The following FLRT3 variants were observed in gnomAD, a reference collection of about 807,000 sequenced individuals.
The protein encoded by FLRT3 is leucine-rich repeat transmembrane protein FLRT3.
A neutral mutation model predicts 42.6 loss-of-function variants in FLRT3; 17 were observed. The observed-to-expected ratio is 0.40, with a 90% CI of 0.27 to 0.60. The LOEUF (loss-of-function observed/expected upper bound fraction) is 0.60. Ranked by LOEUF, FLRT3 falls within the 20% of genes least tolerant of loss-of-function variation. The pLI, the probability that FLRT3 is intolerant of heterozygous loss-of-function variation, is 0.44. For missense variants in FLRT3, 635 were observed against 789.2 expected, an observed-to-expected ratio of 0.80 and a Z score of 2.34; for synonymous variants, 279 against 286.4, an observed-to-expected ratio of 0.97 and a Z score of 0.26.
intron 1 of FLRT3, among the ~76,000 whole-genome samples, chr20:14,333,139 G>A (rs1004423741): frequency 5.9e-5 from 9 of 152,078 alleles, no homozygotes; most frequent in African/African-American, 2.2e-4. Flanking sequence ...GGTTTGCTGA[G>A]AGGCAGAGAA....
At chr20:14,328,321 A>G (rs1371387333) in intron 2 of FLRT3, among the ~76,000 whole-genome samples, 2 of 152,062 alleles carry the variant, frequency 1.3e-5, no homozygotes, top group Non-Finnish European at 2.9e-5. Context: ...TCTTCTGTTC[A>G]CATTTTGTTA....
At chr20:14,332,373 G>A (rs964989466) in intron 1 of FLRT3, among the ~76,000 whole-genome samples, 10 of 152,022 alleles carry the variant, frequency 6.6e-5, no homozygotes, top group African/African-American at 2.2e-4. Flanking sequence ...AGAGCTTGCG[G>A]CAATCTACAT....
rs368474803 is a variant in FLRT3 at position 14,325,669 on chromosome 20, G to A, written c.1838C>T (p.Thr613Ile). ...PISKEEFVIH[T>I]IFPPNGMNLY... Reference sequence around the variant, plus strand: ...ATTCATTCCATTAGGAGGAAATATGGTGTGTATTACAAACTCCTCCTTCGA... The same window carrying A: ...ATTCATTCCATTAGGAGGAAATATGATGTGTATTACAAACTCCTCCTTCGA... The change falls in exon 3 of 3, where the codon ACC (threonine) becomes ATC (isoleucine). Residue 613 changes from threonine (T) to isoleucine (I), a missense_variant. Physicochemically the swap from Thr to Ile is moderately conservative, Grantham distance 89. Coordinates refer to ENST00000341420, the MANE Select transcript of FLRT3 (RefSeq NM_198391.3). 6.2e-6 allele frequency: 10 copies of A among 1,613,656 alleles called. No individual in the cohort carries two copies. Among genetic ancestry groups the A allele is most frequent in the Non-Finnish European group, 8.5e-6 (10 of 1,179,774 alleles).
At chr20:14,335,212 T>C (rs2082915219) in intron 1 of FLRT3, among the ~76,000 whole-genome samples, 1 of 152,200 alleles carries the variant, frequency 6.6e-6, no homozygotes, top group Non-Finnish European at 1.5e-5. Flanking sequence ...CTGATTATTG[T>C]ATTTTTCATC....
At position 14,330,546 on chromosome 20, in the gene FLRT3, AG is replaced by A. The variant is rs531123153; in HGVS notation, c.-246-1220del. Among the ~76,000 whole-genome samples, 13 of 152,220 alleles carry A rather than the reference AG, an allele frequency of 8.5e-5. 1 individual carries two copies. The South Asian group carries it at 2.7e-3, about 32-fold the overall frequency. On this transcript the variant is annotated intron_variant, in intron 1 of 2. Transcript: ENST00000341420. The stretch of plus-strand genomic sequence containing the variant: ...TGTTTCTGGTTCTCTCCAAAAATTC[AG>A]TTTCTTTTAGTTTGCTAACTACATA...
intron 1 of FLRT3, among the ~76,000 whole-genome samples, chr20:14,333,636 T>C (rs2082883013): frequency 5.3e-5 from 8 of 152,188 alleles, no homozygotes; most frequent in Admixed American, 5.2e-4. Flanking sequence ...TTTTTAACAG[T>C]GTGGGTACAA....
chr20:14,327,638 A>G (rs1320007849), intron 2 of FLRT3, 80 bp from the exon 3 acceptor site: 12 of 1,017,188 alleles, frequency 1.2e-5, no homozygotes, highest in South Asian at 1.9e-5. Context: ...AAATGTGGAA[A>G]CTAAAATATC....
In FLRT3 at chr20:14,323,108, GTCC is replaced by G. The variant is rs2082681051; in HGVS notation, c.*2446_*2448del. 6.6e-6 allele frequency: 1 copy of G among 152,142 alleles called. No homozygotes were observed. Among genetic ancestry groups the G allele is most frequent in the Non-Finnish European group, 1.5e-5 (1 of 68,020 alleles). The allele number at this position is 152,142 out of a possible 1,614,324, so 9.4% of individuals were successfully genotyped here. Reference sequence around the variant, plus strand: ...GTTCTTCAGCAGATACCAGCTGGGTGTCCTCCAATTCAGTTTAATCCCAACACT... The same window carrying G: ...GTTCTTCAGCAGATACCAGCTGGGTGTCCAATTCAGTTTAATCCCAACACT... On this transcript the variant is annotated 3_prime_UTR_variant, in exon 3 of 3. Transcript: ENST00000341420.
chr20:14,324,887 T>C lies in FLRT3; in HGVS notation c.*670A>G, dbSNP rs2082708869. On this transcript the variant is annotated 3_prime_UTR_variant, in exon 3 of 3. Coordinates refer to ENST00000341420, the MANE Select transcript of FLRT3 (RefSeq NM_198391.3). ...ATGGCTTTAACAGACTTCATGCTCCTTTTATGCCAGCTGATGTATTCAGTT... is the reference window on the plus strand; with the variant it reads ...ATGGCTTTAACAGACTTCATGCTCCCTTTATGCCAGCTGATGTATTCAGTT... The C allele has an allele frequency of 6.6e-6, 1 of 152,522 alleles. No individual in the cohort carries two copies. The highest frequency in any genetic ancestry group is 2.1e-4 in the South Asian group (1 of 4,834). The allele number at this position is 152,522 out of a possible 1,614,324, so 9.4% of individuals were successfully genotyped here. A position where few individuals can be genotyped will look rare whatever the true frequency, so the allele number is the denominator to read the frequency against.
intron 1 of FLRT3, among the ~76,000 whole-genome samples, chr20:14,333,478 G>T (rs759984076): frequency 5.3e-5 from 8 of 152,144 alleles, no homozygotes; most frequent in Non-Finnish European, 8.8e-5. Flanking sequence ...GTAAGAACGA[G>T]TAAGATATTA....
At chr20:14,329,631 C>T (rs1341911831) in intron 1 of FLRT3, among the ~76,000 whole-genome samples, 1 of 151,936 alleles carries the variant, frequency 6.6e-6, no homozygotes, top group Non-Finnish European at 1.5e-5. Context: ...AAATCATATG[C>T]ATAAAATGAT....
rs749185378 is a variant in FLRT3 at position 14,326,718 on chromosome 20, G to A, written c.789C>T (p.Pro263=). The change falls in exon 3 of 3, where the codon CCC becomes CCT. Residue 263 remains proline (P), a synonymous_variant. Transcript: ENST00000341420. The surrounding 1 kb of genome is among the most constrained non-coding windows in gnomAD (Gnocchi z 5.5). ...GCCTTAGATAAGAAAAAGCATTTGGGGGCACCCGATTGATGTGGTTATCTT... is the reference window on the plus strand; with the variant it reads ...GCCTTAGATAAGAAAAAGCATTTGGAGGCACCCGATTGATGTGGTTATCTT... ...YLQDNHINRV[P]PNAFSYLRQL... is the part of the protein sequence containing the mutation. 10 of 1,613,590 alleles carry A rather than the reference G, an allele frequency of 6.2e-6. No homozygotes were observed. The highest frequency in any genetic ancestry group is 1.7e-5 in the Admixed American group (1 of 59,926).
rs6135118 is a variant in FLRT3, at chr20:14,323,490, G to C, written c.*2067C>G. 58,835 of 151,910 alleles carry C rather than the reference G, an allele frequency of 0.39. 12,792 individuals are homozygous for C. The highest frequency in any genetic ancestry group is 0.49 in the Non-Finnish European group (33,274 of 67,918). 9.4% of individuals were successfully genotyped at this position (151,910 alleles called of 1,614,324 possible). On this transcript the variant is annotated 3_prime_UTR_variant, in exon 3 of 3. Coordinates refer to ENST00000341420, the MANE Select transcript of FLRT3 (RefSeq NM_198391.3). ...ACCTTTTGTTTTTTTATGGAGGCTT[G>C]ATTACATAGGCATGCTTGATTAAAC...
rs1210675946 is a variant in FLRT3 at position 14,324,327 on chromosome 20, G to A, written c.*1230C>T. ...ATCATGGCAACAGAAAAGTGATATG[G>A]TTTTTCAACAAGTAACAGCTCACAA... is the stretch of plus-strand genomic sequence containing the variant. On this transcript the variant is annotated 3_prime_UTR_variant, in exon 3 of 3. Transcript: ENST00000341420. 1 of 152,346 alleles carries A rather than the reference G, an allele frequency of 6.6e-6. No homozygotes were observed. The highest frequency in any genetic ancestry group is 1.5e-5 in the Non-Finnish European group (1 of 67,978). The allele number at this position is 152,346 out of a possible 1,614,324, so 9.4% of individuals were successfully genotyped here.
rs2082694566 is a variant in FLRT3, at chr20:14,323,901, A to G, written c.*1656T>C. ...GAAAGGCTTTGAAACCATTTCTTAA[A>G]TTTTCCATCTATACAGTGTATAAGT... On this transcript the variant is annotated 3_prime_UTR_variant, in exon 3 of 3. Coordinates refer to ENST00000341420, the MANE Select transcript of FLRT3 (RefSeq NM_198391.3). The G allele has an allele frequency of 6.6e-6, 1 of 152,180 alleles. No homozygotes were observed. Among genetic ancestry groups the G allele is most frequent in the Non-Finnish European group, 1.5e-5 (1 of 68,026 alleles). The allele number at this position is 152,180 out of a possible 1,614,324, so 9.4% of individuals were successfully genotyped here.
intron 1 of FLRT3, among the ~76,000 whole-genome samples, chr20:14,333,500 G>A (rs1482746214): frequency 6.6e-6 from 1 of 152,104 alleles, no homozygotes; most frequent in Non-Finnish European, 1.5e-5. Context: ...TTTAGAGAGT[G>A]GTGAAGGTAA....
rs2082696659 is a variant in FLRT3 at position 14,324,035 on chromosome 20, C to G, written c.*1522G>C. On this transcript the variant is annotated 3_prime_UTR_variant, in exon 3 of 3. Transcript: ENST00000341420. ...TTTTAGCCAACTTTTATTTTTATGC[C>G]TAGAAAAATACATGGGACGTTTAGG... is the stretch of plus-strand genomic sequence containing the variant. 6.6e-6 allele frequency: 1 copy of G among 152,024 alleles called. No homozygotes were observed. Among genetic ancestry groups the G allele is most frequent in the Non-Finnish European group, 1.5e-5 (1 of 67,966 alleles). The allele number at this position is 152,024 out of a possible 1,614,324, so 9.4% of individuals were successfully genotyped here. A position where few individuals can be genotyped will look rare whatever the true frequency, so the allele number is the denominator to read the frequency against.
chr20:14,323,457 A>G lies in FLRT3; in HGVS notation c.*2100T>C, dbSNP rs1414270474. ...ATGTTCAGCAATCTGGAAGCTCTCC[A>G]AATCTTGACCTTTTGTTTTTTTATG... On this transcript the variant is annotated 3_prime_UTR_variant, in exon 3 of 3. Transcript: ENST00000341420. The G allele has an allele frequency of 6.6e-6, 1 of 152,182 alleles. No homozygotes were observed. The highest frequency in any genetic ancestry group is 1.5e-5 in the Non-Finnish European group (1 of 68,042). The allele number at this position is 152,182 out of a possible 1,614,324, so 9.4% of individuals were successfully genotyped here.
chr20:14,326,530 T>C lies in FLRT3; in HGVS notation c.977A>G (p.Lys326Arg). ...GCACATGAGCCCACGCACGTTGACC[T>C]TCACAGGTAGTGATTGTAACCAGTC... The part of the protein sequence containing the change: ...VRDWLQSLPV[K>R]VNVRGLMCQA... Residue 326 changes from lysine to arginine, a missense_variant, in exon 3 of 3, where the codon AAG becomes AGG. Transcript: ENST00000341420. The surrounding 1 kb of genome is among the most constrained non-coding windows in gnomAD (Gnocchi z 5.5). 1 of 1,613,900 alleles carries C rather than the reference T, an allele frequency of 6.2e-7. No individual in the cohort carries two copies. The highest frequency in any genetic ancestry group is 1.1e-5 in the South Asian group (1 of 91,088).
Sources: gnomAD v4.1 joint callset for allele counts (sites outside exome capture counted in the v4.1 genomes callset) on GRCh38, gnomAD v4.1.1 for gene constraint, Gnocchi (gnomAD v3.1) non-coding constraint, MANE v1.5 for transcripts, NCBI Gene and HGNC (gene_info 2026-07-23, HGNC 2026-07-21) for gene names.